CD83: variants seen among roughly 807,000 people sequenced by gnomAD.
CD83 encodes CD83 antigen.
Under a neutral mutation model 24.6 loss-of-function variants are expected in CD83, and 22 were observed. The observed-to-expected ratio is 0.90, with a 90% CI of 0.64 to 1.28. The LOEUF is 1.28. Among genes scored for constraint, CD83 ranks in the 50% most tolerant of loss-of-function variants. The pLI, the probability that CD83 is intolerant of heterozygous loss-of-function variation, is 0.00. For synonymous variants in CD83, 101 were observed against 103.5 expected, an observed-to-expected ratio of 0.98 and a Z score of 0.14; for missense variants, 253 against 252.8, an observed-to-expected ratio of 1.00 and a Z score of -0.01.
intron 3 of CD83, among the ~76,000 whole-genome samples, chr6:14,132,610 A>C (rs933578583): frequency 2.0e-5 from 3 of 152,196 alleles, no homozygotes; most frequent in Non-Finnish European, 2.9e-5. Flanking sequence ...GCTTGTTGTG[A>C]AGGTTAAATG....
At position 14,135,829 on chromosome 6, in the gene CD83, A is replaced by G. The variant is rs1758037012; in HGVS notation, c.*593A>G. 6.6e-6 allele frequency: 1 copy of G among 152,260 alleles called. No individual in the cohort carries two copies. Among genetic ancestry groups the G allele is most frequent in the Admixed American group, 6.5e-5 (1 of 15,282 alleles). The allele number at this position is 152,260 out of a possible 1,614,324, so 9.4% of individuals were successfully genotyped here. ...AACTATTCCCCAGCAGGGTCTTTTC[A>G]TCTGGGAAAGACATCCATAAAGAAG... is the stretch of plus-strand genomic sequence containing the variant. On this transcript the variant is annotated 3_prime_UTR_variant, in exon 5 of 5. Transcript: ENST00000379153.
chr6:14,124,770 A>G (rs564789519), intron 2 of CD83, among the ~76,000 whole-genome samples: 2 of 152,298 alleles, frequency 1.3e-5, no homozygotes, highest in East Asian at 3.9e-4. Flanking sequence ...TACAGTTCAC[A>G]TTTCAGTTAT....
Position 14,118,090 on chromosome 6 carries a change from T to C in CD83, c.153+25T>C, listed in dbSNP as rs776014831. 3 of 1,510,674 alleles carry C rather than the reference T, an allele frequency of 2.0e-6. No individual in the cohort carries two copies. The South Asian group carries it at 3.5e-5, about 18-fold the overall frequency. The allele number at this position is 1,510,674 out of a possible 1,614,324, so 93.6% of individuals were successfully genotyped here. A position where few individuals can be genotyped will look rare whatever the true frequency, so the allele number is the denominator to read the frequency against. On this transcript the variant is annotated intron_variant, in intron 2 of 4. Transcript: ENST00000379153. ...GGTAGGTGCTGCGATACCCACGGGC[T>C]GGGGTTTGGTGGGCTCATTTGAAGA...
chr6:14,128,010 A>G (rs1179518347), intron 2 of CD83, among the ~76,000 whole-genome samples: 2 of 152,244 alleles, frequency 1.3e-5, no homozygotes, highest in Non-Finnish European at 2.9e-5. Context: ...TCCTTTTGTT[A>G]TAAATTACTA....
chr6:14,130,965 C>A (rs1359808349), intron 2 of CD83, among the ~76,000 whole-genome samples: 1 of 152,234 alleles, frequency 6.6e-6, no homozygotes, highest in East Asian at 1.9e-4. Flanking sequence ...CGACGTCAGG[C>A]ATGACCACAC....
chr6:14,121,231 A>G (rs912162393), intron 2 of CD83, among the ~76,000 whole-genome samples: 2 of 152,086 alleles, frequency 1.3e-5, no homozygotes, highest in African/African-American at 4.8e-5. Flanking sequence ...GTACAGTGGC[A>G]TGAAGATGGC....
chr6:14,135,757 G>A lies in CD83; in HGVS notation c.*521G>A, dbSNP rs1435522967. 1.3e-5 allele frequency: 2 copies of A among 153,132 alleles called. No homozygotes were observed. Among genetic ancestry groups the A allele is most frequent in the African/African-American group, 2.4e-5 (1 of 41,450 alleles). 9.5% of individuals were successfully genotyped at this position (153,132 alleles called of 1,614,324 possible). ...AATAATTTCCTGGTGTGAAGGTCCT[G>A]CTATTACTAAGGAGTAATCTGTGTA... On this transcript the variant is annotated 3_prime_UTR_variant, in exon 5 of 5. Coordinates refer to ENST00000379153, the MANE Select transcript of CD83 (RefSeq NM_004233.4).
intron 2 of CD83, among the ~76,000 whole-genome samples, chr6:14,119,322 C>T (rs569064189): frequency 6.6e-6 from 1 of 152,302 alleles, no homozygotes; most frequent in South Asian, 2.1e-4. Flanking sequence ...ACCTTACTTA[C>T]TGTGGGATCA....
At chr6:14,133,869 T>C in intron 4 of CD83, 114 bp downstream of exon 4, 1 of 675,602 alleles carries the variant, frequency 1.5e-6, no homozygotes, top group Non-Finnish European at 2.4e-6. Flanking sequence ...GATTATTCTT[T>C]GAACCCTGGA....
At chr6:14,128,143 A>G (rs375979442) in intron 2 of CD83, among the ~76,000 whole-genome samples, 1 of 152,216 alleles carries the variant, frequency 6.6e-6, no homozygotes, top group African/African-American at 2.4e-5. Flanking sequence ...TCATAAAACA[A>G]AGCAAAGTGG....
chr6:14,118,144 G>A (rs1581324191), intron 2 of CD83, 79 bp downstream of exon 2: 3 of 1,040,328 alleles, frequency 2.9e-6, no homozygotes, highest in Non-Finnish European at 4.1e-6. Context: ...CTAGGCTGGC[G>A]ACCCTCTGTG....
chr6:14,135,366 C>A lies in CD83; in HGVS notation c.*130C>A. On this transcript the variant is annotated 3_prime_UTR_variant, in exon 5 of 5. Transcript: ENST00000379153. The stretch of plus-strand genomic sequence containing the variant: ...GTGAAGTCCTTCACCTCACTGAAAA[C>A]ATCTGGAAGGGGATCCCACCCCATT... 9.8e-7 allele frequency: 1 copy of A among 1,023,456 alleles called. No individual in the cohort carries two copies. Among genetic ancestry groups the A allele is most frequent in the Non-Finnish European group, 1.4e-6 (1 of 708,648 alleles). 63.4% of individuals were successfully genotyped at this position (1,023,456 alleles called of 1,614,324 possible).
At chr6:14,131,923 T>G (rs1757920376) in intron 3 of CD83, among the ~76,000 whole-genome samples, 175 bp downstream of exon 3, 1 of 152,242 alleles carries the variant, frequency 6.6e-6, no homozygotes, top group Non-Finnish European at 1.5e-5. Flanking sequence ...GTGGCTTAAA[T>G]GATGCCTTTT....
chr6:14,132,115 G>A (rs572451234), intron 3 of CD83, among the ~76,000 whole-genome samples: 6 of 152,226 alleles, frequency 3.9e-5, no homozygotes, highest in Non-Finnish European at 7.3e-5. Context: ...GGGGCAGTGT[G>A]TGCTTTTTGC....
At chr6:14,121,731 C>A (rs1759676402) in intron 2 of CD83, among the ~76,000 whole-genome samples, 1 of 151,416 alleles carries the variant, frequency 6.6e-6, no homozygotes, top group Admixed American at 6.6e-5. Flanking sequence ...TGGCCATGAC[C>A]TGTGATTAAA....
intron 2 of CD83, among the ~76,000 whole-genome samples, chr6:14,119,453 A>G (rs1188431406): frequency 6.6e-6 from 1 of 152,238 alleles, no homozygotes; most frequent in African/African-American, 2.4e-5. Context: ...ATTTACATAC[A>G]TTATCCATTT....
At chr6:14,130,639 AG>A (rs1445052925) in intron 2 of CD83, among the ~76,000 whole-genome samples, 11 of 152,176 alleles carry the variant, frequency 7.2e-5, no homozygotes, top group African/African-American at 1.9e-4. Context: ...CTGAGGTGGG[AG>A]TACCAGAAGG....
chr6:14,131,758 C>CCT lies in CD83; in HGVS notation c.382+11_382+12dup. On this transcript the variant is annotated intron_variant, in intron 3 of 4. Transcript: ENST00000379153. Reference sequence around the variant, plus strand: ...ATCTTGAGAGTGACAGGTGAGGTGACCTGCTGCACTTGTTTTCTTCTTGAA... The same window carrying CCT: ...ATCTTGAGAGTGACAGGTGAGGTGACCTCTGCTGCACTTGTTTTCTTCTTGAA... 1 of 1,568,310 alleles carries CCT rather than the reference C, an allele frequency of 6.4e-7. No individual in the cohort carries two copies. Among genetic ancestry groups the CCT allele is most frequent in the South Asian group, 1.1e-5 (1 of 90,060 alleles).
Position 14,131,443 on chromosome 6 carries a change from A to C in CD83, c.154-77A>C, listed in dbSNP as rs1215460464. 9.9e-6 allele frequency: 11 copies of C among 1,107,444 alleles called. No homozygotes were observed. In the African/African-American group the frequency reaches 1.4e-4, roughly 14 times the overall value. 68.6% of individuals were successfully genotyped at this position (1,107,444 alleles called of 1,614,324 possible). ...ACATAAGTTGAGGCTGGATCTTCTG[A>C]AAACAAAATGGAAACATTGGTGTCG... On this transcript the variant is annotated intron_variant, in intron 2 of 4. Transcript: ENST00000379153.
Sources: allele counts gnomAD v4.1 joint callset (sites outside exome capture counted in the v4.1 genomes callset), GRCh38; gene constraint gnomAD v4.1.1; transcripts MANE v1.5; gene names NCBI Gene and HGNC (gene_info 2026-07-23, HGNC 2026-07-21).